Variants in ADGRV1 observed in about 807,000 individuals in gnomAD.
ADGRV1 encodes G-protein coupled receptor 98.
ADGRV1 carries 359 observed loss-of-function variants against 596.2 expected under a neutral mutation model. The ratio of observed to expected loss-of-function variants is 0.60; its 90% confidence interval spans 0.55 to 0.66. The LOEUF (loss-of-function observed/expected upper bound fraction) is 0.66, where lower values mean the gene tolerates loss of function less well. ADGRV1 is among the 30% of genes least tolerant of loss of function. The pLI, the probability that ADGRV1 is intolerant of heterozygous loss-of-function variation, is 0.00. For missense variants in ADGRV1, 7,274 were observed against 7,575.6 expected (o/e 0.96, Z 1.48); for synonymous variants, 2,681 against 2,679.2 (o/e 1.00, Z -0.02).
rs75755797 is a variant in ADGRV1 at position 91,048,715 on chromosome 5, C to T, written c.18153-23732C>T. ...AAGATATCTAGCCTGTTCTCAGCCA[C>T]GTAGTTTCACAAGTTGCTCTGATGC... On this transcript the variant is annotated intron_variant, in intron 85 of 89. Coordinates refer to ENST00000405460, the MANE Select transcript of ADGRV1 (RefSeq NM_032119.4). Among the ~76,000 whole-genome samples, 264 of 152,306 alleles carry T rather than the reference C, an allele frequency of 1.7e-3. 6 individuals carry two copies. In the East Asian group the frequency reaches 0.045, roughly 26 times the overall value.
chr5:90,749,597 T>A (rs1755020263), intron 52 of ADGRV1, among the ~76,000 whole-genome samples: 1 of 152,178 alleles, frequency 6.6e-6, no homozygotes, highest in Non-Finnish European at 1.5e-5. Flanking sequence ...AAGAAATTAA[T>A]GGGGGAATCT....
Position 91,147,176 on chromosome 5 carries a change from T to TAA in ADGRV1, c.18433-2832_18433-2831dup, listed in dbSNP as rs57619661. 1.2e-3 allele frequency among the ~76,000 whole-genome samples: 116 copies of TAA among 100,786 alleles called. 1 individual carries two copies. The highest frequency in any genetic ancestry group is 3.4e-3 in the African/African-American group (93 of 27,570). 66.1% of individuals were successfully genotyped at this position (100,786 alleles called of 152,430 possible). ...TGGGTGACACAGCAAGACCTTGTCT[T>TAA]AAAAAAAAAAAAAAAAAAAAAAAGA... On this transcript the variant is annotated intron_variant, in intron 87 of 89. Coordinates refer to ENST00000405460, the MANE Select transcript of ADGRV1 (RefSeq NM_032119.4).
intron 59 of ADGRV1, among the ~76,000 whole-genome samples, chr5:90,764,054 G>A (rs1291795455): frequency 1.3e-5 from 2 of 152,154 alleles, no homozygotes; most frequent in Non-Finnish European, 2.9e-5. Flanking sequence ...AAGCGATCAT[G>A]TTGGAATGTA....
At chr5:90,739,980 A>T (rs1239648032) in intron 50 of ADGRV1, among the ~76,000 whole-genome samples, 3 of 152,152 alleles carry the variant, frequency 2.0e-5, no homozygotes, top group Non-Finnish European at 4.4e-5. Flanking sequence ...CAAGGGCTTA[A>T]GGAGAGCCCC....
chr5:90,831,300 A>C (rs563934743), intron 77 of ADGRV1, among the ~76,000 whole-genome samples: 18 of 149,692 alleles, frequency 1.2e-4, no homozygotes, highest in South Asian at 4.2e-4. Flanking sequence ...CACACACACA[A>C]AAACATAAGT....
chr5:90,760,918 G>A (rs1175072440), intron 58 of ADGRV1, among the ~76,000 whole-genome samples: 1 of 152,136 alleles, frequency 6.6e-6, no homozygotes, highest in Non-Finnish European at 1.5e-5. Flanking sequence ...TGATAACTAT[G>A]ACATAATATT....
chr5:90,653,612 C>T lies in ADGRV1; in HGVS notation c.4038C>T (p.Pro1346=). The T allele has an allele frequency of 6.2e-7, 1 of 1,613,698 alleles. No individual in the cohort carries two copies. Residue 1346 remains proline (P), a synonymous_variant, in exon 20 of 90, where the codon CCC becomes CCT. Coordinates refer to ENST00000405460, the MANE Select transcript of ADGRV1 (RefSeq NM_032119.4). ...AFGTVNPKYH[P]SRNNTIANFT... is the part of the protein sequence containing the mutation. The stretch of plus-strand genomic sequence containing the variant: ...GGACTGTTAATCCAAAATACCATCC[C>T]TCCAGGAATAATACAATTGCCAACT...
chr5:90,769,075 G>A (rs1581063037), intron 59 of ADGRV1, among the ~76,000 whole-genome samples: 2 of 152,268 alleles, frequency 1.3e-5, no homozygotes, highest in South Asian at 4.2e-4. Context: ...TTGACCATGT[G>A]AGAAGGGGTT....
chr5:90,738,963 A>G (rs1753605542), intron 50 of ADGRV1, among the ~76,000 whole-genome samples: 1 of 151,966 alleles, frequency 6.6e-6, no homozygotes, highest in African/African-American at 2.4e-5. Context: ...CATAATTCCT[A>G]TAGACCTTCT....
intron 84 of ADGRV1, among the ~76,000 whole-genome samples, chr5:90,970,796 A>G (rs1778899649): frequency 6.6e-6 from 1 of 152,098 alleles, no homozygotes; most frequent in Non-Finnish European, 1.5e-5. Context: ...AAGTCAGAGC[A>G]CCTCTCCCCC....
chr5:90,846,895 TG>T (rs757536809), intron 78 of ADGRV1, among the ~76,000 whole-genome samples: 3 of 152,166 alleles, frequency 2.0e-5, no homozygotes, highest in Non-Finnish European at 4.4e-5. Context: ...TTTGACAGGG[TG>T]CTGACTGGTG....
chr5:90,899,951 A>G (rs987978275), intron 83 of ADGRV1, among the ~76,000 whole-genome samples: 4 of 152,176 alleles, frequency 2.6e-5, no homozygotes, highest in Admixed American at 2.6e-4. Context: ...CCTTGCATCC[A>G]GTTCTTTGAG....
chr5:90,886,915 C>G (rs1770349567), intron 83 of ADGRV1, among the ~76,000 whole-genome samples: 1 of 152,074 alleles, frequency 6.6e-6, no homozygotes, highest in African/African-American at 2.4e-5. Flanking sequence ...TTTCCGAATC[C>G]ATCTACTACC....
chr5:90,897,034 T>C (rs112201417), intron 83 of ADGRV1, among the ~76,000 whole-genome samples: 1 of 152,354 alleles, frequency 6.6e-6, no homozygotes, highest in Non-Finnish European at 1.5e-5. Flanking sequence ...GTGAAGTGAT[T>C]CTTTCACATG....
intron 72 of ADGRV1, 143 bp downstream of exon 72, chr5:90,805,601 T>C (rs908984002): frequency 7.9e-6 from 5 of 634,264 alleles, no homozygotes; most frequent in African/African-American, 3.6e-5. Flanking sequence ...ATCAGAGTAG[T>C]GCAGGCTGCT....
intron 29 of ADGRV1, among the ~76,000 whole-genome samples, chr5:90,688,954 A>T (rs1315654742): frequency 6.6e-6 from 1 of 152,174 alleles, no homozygotes; most frequent in Non-Finnish European, 1.5e-5. Context: ...TTTTATATAT[A>T]AGAAAATGAC....
chr5:90,705,673 G>T (rs747753766), intron 37 of ADGRV1, 94 bp downstream of exon 37: 60 of 957,614 alleles, frequency 6.3e-5, no homozygotes, highest in Non-Finnish European at 9.4e-5. Context: ...ATAAATCGGG[G>T]ACAGGAGAAA....
chr5:91,031,147 G>A (rs1784449446), intron 85 of ADGRV1: 1 of 1,354,012 alleles, frequency 7.4e-7, no homozygotes. Flanking sequence ...CTGTAAGTAA[G>A]GTATTAGAAA....
At chr5:90,872,607 CTTGATA>C (rs895328981) in intron 83 of ADGRV1, among the ~76,000 whole-genome samples, 5 of 152,152 alleles carry the variant, frequency 3.3e-5, no homozygotes, top group African/African-American at 1.2e-4. Context: ...ATGATAAACA[CTTGATA>C]AGTTAATTCC....
Sources: allele counts gnomAD v4.1 joint callset (sites outside exome capture counted in the v4.1 genomes callset), GRCh38; gene constraint gnomAD v4.1.1; transcripts MANE v1.5; gene names NCBI Gene and HGNC (gene_info 2026-07-23, HGNC 2026-07-21).